COL24A1: variants seen among roughly 807,000 people sequenced by gnomAD.
The protein encoded by COL24A1 is collagen alpha-1(XXIV) chain.
In COL24A1, 224 loss-of-function variants were observed where a neutral mutation model predicts 253.9. The ratio of observed to expected loss-of-function variants is 0.88; its 90% CI spans 0.79 to 0.99. COL24A1 has a LOEUF of 0.99. COL24A1 is among the 50% of genes least tolerant of loss of function. The pLI is 0.00. For missense variants in COL24A1, 2,131 were observed against 2,068.5 expected, an observed-to-expected ratio of 1.03 and a Z score of -0.59; for synonymous variants, 685 against 673.7, an observed-to-expected ratio of 1.02 and a Z score of -0.26.
intron 7 of COL24A1, among the ~76,000 whole-genome samples, chr1:86,074,466 A>T (rs1297770199): frequency 6.6e-6 from 1 of 151,942 alleles, no homozygotes; most frequent in Non-Finnish European, 1.5e-5. Flanking sequence ...GCAAGTTCTT[A>T]GAGATCTACA....
At position 86,111,694 on chromosome 1, in the gene COL24A1, A is replaced by G. The variant is rs12062793; in HGVS notation, c.1599+873T>C. Among the ~76,000 whole-genome samples, 973 of 152,114 alleles carry G rather than the reference A, an allele frequency of 6.4e-3. 14 individuals carry two copies. The highest frequency in any genetic ancestry group is 0.023 in the African/African-American group (949 of 41,502). On this transcript the variant is annotated intron_variant, in intron 5 of 59. Transcript: ENST00000370571. ...CTTTGCAATAAATCTTGCTGCTGCT[A>G]ACTCTTTGGGTCTGCACTGCCTTTA...
rs184326977 is a variant in COL24A1, at chr1:85,822,382, C to T, written c.3789+1154G>A. On this transcript the variant is annotated intron_variant, in intron 45 of 59. Coordinates refer to ENST00000370571, the MANE Select transcript of COL24A1 (RefSeq NM_152890.7). ...CTAATTTATTATTAACAGTGTAGTG[C>T]ATTTTCTTAAGAATTTAATTTGAAA... 1.4e-3 allele frequency among the ~76,000 whole-genome samples: 210 copies of T among 152,252 alleles called. 1 individual carries two copies. The highest frequency in any genetic ancestry group is 2.6e-3 in the Non-Finnish European group (177 of 68,004).
At chr1:86,059,266 C>G (rs1395588654) in intron 8 of COL24A1, 92 bp from the exon 9 acceptor site, 2 of 930,692 alleles carry the variant, frequency 2.1e-6, no homozygotes, top group Non-Finnish European at 3.2e-6. Flanking sequence ...TAATTTTTCC[C>G]CATAAAAATA....
At chr1:86,030,750 C>CTTTTT (rs10708970) in intron 14 of COL24A1, among the ~76,000 whole-genome samples, 1 of 142,974 alleles carries the variant, frequency 7.0e-6, no homozygotes. Context: ...TTTTTTCTTT[C>CTTTTT]TTTTTTTTTT....
chr1:85,970,743 G>T (rs769040369), intron 21 of COL24A1, among the ~76,000 whole-genome samples: 3 of 151,866 alleles, frequency 2.0e-5, no homozygotes, highest in Non-Finnish European at 2.9e-5. Context: ...ATAATTTATT[G>T]GTTCAAAAAT....
At chr1:86,025,984 A>C (rs148090506) in intron 14 of COL24A1, among the ~76,000 whole-genome samples, 1 of 152,310 alleles carries the variant, frequency 6.6e-6, no homozygotes, top group East Asian at 1.9e-4. Context: ...GTGGTTTTAC[A>C]TTTAATCAAT....
chr1:86,085,106 T>C (rs1373480334), intron 7 of COL24A1, among the ~76,000 whole-genome samples: 2 of 152,214 alleles, frequency 1.3e-5, no homozygotes, highest in Admixed American at 1.3e-4. Flanking sequence ...ATTGTGCTTA[T>C]CTATATTCAG....
rs1176905937 is a variant in COL24A1, at chr1:85,730,576, G to A, written c.5115C>T (p.Tyr1705=). The change falls in exon 60 of 60, where the codon TAC becomes TAT. Residue 1705 remains tyrosine, a synonymous_variant. Transcript: ENST00000370571. ...LPHLKTERKY[Y]IDSSSVCFL The stretch of plus-strand genomic sequence containing the variant: ...GAAAGCATACAGAACTGCTGTCAAT[G>A]TAATACTTTCGTTCAGTTTTGAGAT... The A allele has an allele frequency of 1.2e-6, 2 of 1,613,846 alleles. No individual in the cohort carries two copies. The highest frequency in any genetic ancestry group is 1.3e-5 in the African/African-American group (1 of 74,914).
At chr1:86,003,085 C>T (rs1316590006) in intron 19 of COL24A1, among the ~76,000 whole-genome samples, 1 of 152,154 alleles carries the variant, frequency 6.6e-6, no homozygotes, top group African/African-American at 2.4e-5. Flanking sequence ...AGTATGGAGC[C>T]TATGGCAGTT....
chr1:86,036,473 C>CAAAGGCA (rs1414131141), intron 12 of COL24A1, among the ~76,000 whole-genome samples: 1 of 152,076 alleles, frequency 6.6e-6, no homozygotes, highest in African/African-American at 2.4e-5. Context: ...GTTAATACCA[C>CAAAGGCA]AAAGGCATTA....
intron 24 of COL24A1, among the ~76,000 whole-genome samples, chr1:85,912,685 T>G (rs554917075): frequency 1.3e-5 from 2 of 152,336 alleles, no homozygotes; most frequent in South Asian, 4.1e-4. Context: ...ATTATCATCA[T>G]TCCCCTTTGA....
intron 24 of COL24A1, among the ~76,000 whole-genome samples, chr1:85,923,429 T>C (rs1317420949): frequency 2.0e-5 from 3 of 152,102 alleles, no homozygotes; most frequent in African/African-American, 7.2e-5. Context: ...AGTAAAGCAC[T>C]CCTCAGCAAA....
intron 20 of COL24A1, among the ~76,000 whole-genome samples, chr1:85,984,639 G>A (rs746569655): frequency 1.3e-5 from 2 of 151,782 alleles, no homozygotes; most frequent in African/African-American, 2.4e-5. Flanking sequence ...GGAAAAATCC[G>A]CAACTCCATT....
chr1:86,083,253 GCA>G (rs1702802357), intron 7 of COL24A1, among the ~76,000 whole-genome samples: 6 of 151,718 alleles, frequency 4.0e-5, no homozygotes, highest in Non-Finnish European at 7.4e-5. Context: ...AGCCGAGATT[GCA>G]CCACTGCACT....
chr1:85,974,654 G>C (rs1692487152), intron 20 of COL24A1, among the ~76,000 whole-genome samples: 1 of 151,946 alleles, frequency 6.6e-6, no homozygotes, highest in African/African-American at 2.4e-5. Context: ...GACACACAAG[G>C]GGCTTCCAAT....
At chr1:85,759,065 C>T (rs547220738) in intron 55 of COL24A1, among the ~76,000 whole-genome samples, 12 of 152,098 alleles carry the variant, frequency 7.9e-5, no homozygotes, top group African/African-American at 2.2e-4. Flanking sequence ...TCTTATGATC[C>T]GCTGACCAAT....
At chr1:85,978,172 C>T (rs894947290) in intron 20 of COL24A1, among the ~76,000 whole-genome samples, 4 of 152,162 alleles carry the variant, frequency 2.6e-5, no homozygotes, top group East Asian at 1.9e-4. Flanking sequence ...TTCAGACAAA[C>T]GTGTGAAGAG....
chr1:86,072,387 C>T (rs1227148287), intron 7 of COL24A1, among the ~76,000 whole-genome samples: 1 of 152,168 alleles, frequency 6.6e-6, no homozygotes, highest in African/African-American at 2.4e-5. Context: ...GTAAACAAAG[C>T]TGCCAGGATG....
At chr1:86,135,095 A>G (rs1338716164) in intron 2 of COL24A1, among the ~76,000 whole-genome samples, 1 of 151,776 alleles carries the variant, frequency 6.6e-6, no homozygotes, top group African/African-American at 2.4e-5. Flanking sequence ...TCCCTTTACC[A>G]TTACGTAATG....
Sources: gnomAD v4.1 joint callset for allele counts (sites outside exome capture counted in the v4.1 genomes callset) on GRCh38, gnomAD v4.1.1 for gene constraint, MANE v1.5 for transcripts, NCBI Gene and HGNC (gene_info 2026-07-23, HGNC 2026-07-21) for gene names.